TRIM9: variants seen among roughly 807,000 people sequenced by gnomAD.
TRIM9 encodes the protein E3 ubiquitin-protein ligase TRIM9.
TRIM9 carries 26 observed loss-of-function variants against 78.3 expected under a neutral mutation model. The ratio of observed to expected loss-of-function variants is 0.33; its 90% CI spans 0.24 to 0.46. The LOEUF is 0.46. Among genes scored for constraint, TRIM9 ranks in the 20% least tolerant of loss-of-function variants. The pLI is 1.00. For missense variants in TRIM9, 787 were observed against 1,036.4 expected (o/e 0.76, Z 3.30); for synonymous variants, 398 against 416.5 (o/e 0.96, Z 0.54).
In TRIM9 at chr14:50,998,033, C is replaced by G. The variant is rs770698539; in HGVS notation, c.1603+17G>C. On this transcript the variant is annotated intron_variant, in intron 7 of 12. Coordinates refer to ENST00000684578, the MANE Select transcript of TRIM9 (RefSeq NM_001387360.1). Reference sequence around the variant, plus strand: ...CACGCAGTTCTCGCTCTGAGGGATACTGCTGAAGGGCCTTACCCTCAGACG... The same window carrying G: ...CACGCAGTTCTCGCTCTGAGGGATAGTGCTGAAGGGCCTTACCCTCAGACG... 8.7e-6 allele frequency: 14 copies of G among 1,614,064 alleles called. No individual in the cohort carries two copies. The South Asian group carries it at 1.5e-4, about 18-fold the overall frequency.
At position 51,094,814 on chromosome 14, in the gene TRIM9, T is replaced by C. The variant is rs756143610; in HGVS notation, c.126A>G (p.Pro42=). 15 of 1,537,028 alleles carry C rather than the reference T, an allele frequency of 9.8e-6. No individual in the cohort carries two copies. The East Asian group carries it at 2.9e-4, about 30-fold the overall frequency. The change falls in exon 1 of 13, where the codon CCA becomes CCG. Residue 42 remains proline, a synonymous_variant. Coordinates refer to ENST00000684578, the MANE Select transcript of TRIM9 (RefSeq NM_001387360.1). ...GATGGCTCTGGGGGGATTCAGACTC[T>C]GGGGTCTGCACCAGGATGTTGCGGG... The part of the protein sequence containing the change: ...ACARNILVQT[P]ESESPQSHRA...
rs1010345243 is a variant in TRIM9, at chr14:51,094,987, G to A, written c.-48C>T. 7.4e-7 allele frequency: 1 copy of A among 1,354,850 alleles called. No homozygotes were observed. The highest frequency in any genetic ancestry group is 9.6e-7 in the Non-Finnish European group (1 of 1,045,808). The allele number at this position is 1,354,850 out of a possible 1,614,324, so 83.9% of individuals were successfully genotyped here. ...AGCGACGGCTGCAGCGGGTGCCTGA[G>A]CTGGCGAGGTGGCCGACGGGCCCGT... On this transcript the variant is annotated 5_prime_UTR_variant, in exon 1 of 13. Transcript: ENST00000684578.
At chr14:50,984,559 C>T (rs1276809571) in intron 8 of TRIM9, among the ~76,000 whole-genome samples, 1 of 152,138 alleles carries the variant, frequency 6.6e-6, no homozygotes, top group Non-Finnish European at 1.5e-5. Flanking sequence ...TATGGAATAC[C>T]TGGAGTTTTA....
chr14:51,083,914 C>G (rs1279487119), intron 1 of TRIM9, among the ~76,000 whole-genome samples: 1 of 152,158 alleles, frequency 6.6e-6, no homozygotes, highest in Non-Finnish European at 1.5e-5. Context: ...CTATATGATT[C>G]TAGGCCATCA....
intron 12 of TRIM9, chr14:50,979,046 A>G (rs2051446367): frequency 7.7e-7 from 1 of 1,306,534 alleles, no homozygotes; most frequent in Non-Finnish European, 9.7e-7. Context: ...AGCTTTGTTA[A>G]GTCATTCTAT....
intron 1 of TRIM9, among the ~76,000 whole-genome samples, chr14:51,053,544 C>T (rs1447638143): frequency 1.7e-5 from 2 of 120,480 alleles, no homozygotes; most frequent in African/African-American, 6.5e-5. Context: ...GTTAACATTA[C>T]ATTTATTTAT....
chr14:51,068,540 C>T (rs1289338208), intron 1 of TRIM9, among the ~76,000 whole-genome samples: 1 of 152,138 alleles, frequency 6.6e-6, no homozygotes, highest in Non-Finnish European at 1.5e-5. Flanking sequence ...CTCACCACAA[C>T]CTTGTAGAAG....
At chr14:50,986,549 C>G (rs2052739209) in intron 7 of TRIM9, 1 of 154,496 alleles carries the variant, frequency 6.5e-6, no homozygotes, top group African/African-American at 2.4e-5. Context: ...ACAATGGCCT[C>G]TTAAAGGGTT....
chr14:51,012,833 G>A lies in TRIM9; in HGVS notation c.1042-2339C>T, dbSNP rs773799850. On this transcript the variant is annotated intron_variant, in intron 3 of 12. Transcript: ENST00000684578. Reference sequence around the variant, plus strand: ...GGTGATGCTGAGCATCTTTTCATACGTTTATCGGCTGTTTGTGTACCCTCG... The same window carrying A: ...GGTGATGCTGAGCATCTTTTCATACATTTATCGGCTGTTTGTGTACCCTCG... 1.3e-4 allele frequency among the ~76,000 whole-genome samples: 20 copies of A among 152,234 alleles called. No individual in the cohort carries two copies. In the East Asian group the frequency reaches 1.3e-3, roughly 10 times the overall value.
At chr14:51,049,950 A>G (rs11844545) in intron 1 of TRIM9, among the ~76,000 whole-genome samples, 34,237 of 152,044 alleles carry the variant, frequency 0.23, 4,404 homozygotes, top group Non-Finnish European at 0.29. Context: ...GGTTGGGTGC[A>G]TTAAGAGTGG....
In TRIM9 at chr14:50,997,342, G is replaced by T. The variant is rs112125923; in HGVS notation, c.1603+708C>A. 5.6e-5 allele frequency: 55 copies of T among 985,378 alleles called. No homozygotes were observed. The African/African-American group carries it at 8.0e-4, about 14-fold the overall frequency. The allele number at this position is 985,378 out of a possible 1,614,324, so 61.0% of individuals were successfully genotyped here. A position where few individuals can be genotyped will look rare whatever the true frequency, so the allele number is the denominator to read the frequency against. On this transcript the variant is annotated intron_variant, in intron 7 of 12. Coordinates refer to ENST00000684578, the MANE Select transcript of TRIM9 (RefSeq NM_001387360.1). ...AGCTAAGAAGCAAAAATTCTCTAGA[G>T]ATGAACCTTGTATGGTGGCTCTCGG... is the stretch of plus-strand genomic sequence containing the variant.
intron 1 of TRIM9, among the ~76,000 whole-genome samples, chr14:51,073,518 T>C (rs1395181360): frequency 1.3e-5 from 2 of 152,146 alleles, no homozygotes; most frequent in African/African-American, 4.8e-5. Flanking sequence ...AAAAAACATA[T>C]CTTTGAGCAA....
At chr14:50,986,212 A>T in intron 7 of TRIM9, 68 bp from the exon 8 acceptor site, 1 of 1,289,970 alleles carries the variant, frequency 7.8e-7, no homozygotes, top group Non-Finnish European at 1.0e-6. Flanking sequence ...ACGGTTCCCC[A>T]AGACCTGCCT....
rs1464157944 is a variant in TRIM9, at chr14:51,094,649, G to A, written c.291C>T (p.Asn97=). 10 of 1,602,814 alleles carry A rather than the reference G, an allele frequency of 6.2e-6. No homozygotes were observed. In the East Asian group the frequency reaches 1.6e-4, roughly 25 times the overall value. Residue 97 remains asparagine (N), a synonymous_variant, in exon 1 of 13, where the codon AAC becomes AAT. Coordinates refer to ENST00000684578, the MANE Select transcript of TRIM9 (RefSeq NM_001387360.1). ...TAGCCGGGGGAAACACGCGGACGCC[G>A]TTGGGGGACTTCTGGCACGGGGTAG... is the stretch of plus-strand genomic sequence containing the variant. ...APTTPCQKSP[N]GVRVFPPAMP...
chr14:51,001,983 C>A (rs1305511478), intron 5 of TRIM9, among the ~76,000 whole-genome samples: 1 of 152,206 alleles, frequency 6.6e-6, no homozygotes, highest in East Asian at 1.9e-4. Context: ...TATACTGTGA[C>A]TCTTTTCTAG....
chr14:51,012,555 T>G (rs1039604123), intron 3 of TRIM9, among the ~76,000 whole-genome samples: 3 of 152,218 alleles, frequency 2.0e-5, no homozygotes, highest in Non-Finnish European at 4.4e-5. Context: ...CCGCTTTCAC[T>G]TCTTTGGGGT....
At chr14:51,064,800 A>T (rs2061610298) in intron 1 of TRIM9, among the ~76,000 whole-genome samples, 1 of 152,154 alleles carries the variant, frequency 6.6e-6, no homozygotes, top group African/African-American at 2.4e-5. Context: ...CCAAATGGAG[A>T]CAAGAAGCAA....
At chr14:51,093,781 A>G (rs886393770) in intron 1 of TRIM9, among the ~76,000 whole-genome samples, 2 of 151,774 alleles carry the variant, frequency 1.3e-5, no homozygotes, top group Non-Finnish European at 2.9e-5. Flanking sequence ...GGCTCTACCC[A>G]GCTATGCAGT....
At chr14:51,050,379 T>A (rs1447653798) in intron 1 of TRIM9, among the ~76,000 whole-genome samples, 1 of 152,222 alleles carries the variant, frequency 6.6e-6, no homozygotes, top group East Asian at 1.9e-4. Context: ...CCCCTTTCAC[T>A]TGGTTCTCAT....
Sources: gnomAD v4.1 joint callset for allele counts (sites outside exome capture counted in the v4.1 genomes callset) on GRCh38, gnomAD v4.1.1 for gene constraint, MANE v1.5 for transcripts, NCBI Gene and HGNC (gene_info 2026-07-23, HGNC 2026-07-21) for gene names.